LAMB1: variants seen among roughly 807,000 people sequenced by gnomAD.
LAMB1 encodes laminin subunit beta-1.
LAMB1 carries 121 observed loss-of-function variants against 222.3 expected under a neutral mutation model. The observed-to-expected ratio is 0.54, with a 90% CI of 0.47 to 0.63. LAMB1 has a LOEUF of 0.63. Ranked by LOEUF, LAMB1 falls within the 30% of genes least tolerant of loss-of-function variation. LAMB1 has a pLI of 0.00. For missense variants in LAMB1, 2,172 were observed against 2,240.8 expected (o/e 0.97, Z 0.62); for synonymous variants, 794 against 807.2 (o/e 0.98, Z 0.28).
chr7:107,948,062 C>CT (rs2033158162), intron 24 of LAMB1, among the ~76,000 whole-genome samples: 1 of 149,110 alleles, frequency 6.7e-6, no homozygotes, highest in African/African-American at 2.5e-5. Flanking sequence ...TGCTCACTCA[C>CT]TGCAACCTCT....
chr7:107,953,519 G>A lies in LAMB1; in HGVS notation c.3079+11C>T, dbSNP rs746422751. On this transcript the variant is annotated intron_variant, in intron 22 of 33. Transcript: ENST00000222399. ...ATTCTAAGAAGTGGGCAGAATAAAT[G>A]TGCATCTTACTTCGACAGTCCTGCT... 3 of 1,577,104 alleles carry A rather than the reference G, an allele frequency of 1.9e-6. No homozygotes were observed. The East Asian group carries it at 6.7e-5, about 35-fold the overall frequency.
At chr7:107,926,775 T>C (rs2116311030) in intron 31 of LAMB1, among the ~76,000 whole-genome samples, 1 of 152,228 alleles carries the variant, frequency 6.6e-6, no homozygotes, top group Middle Eastern at 3.4e-3. Context: ...AGTGGGAAAA[T>C]AAATGTTAAA....
intron 31 of LAMB1, among the ~76,000 whole-genome samples, chr7:107,928,235 A>C (rs1562972490): frequency 6.6e-6 from 1 of 152,184 alleles, no homozygotes; most frequent in African/African-American, 2.4e-5. Flanking sequence ...AAAAACATTA[A>C]GTTTTCCATG....
At position 107,943,392 on chromosome 7, in the gene LAMB1, G is replaced by A. The variant is rs546573422; in HGVS notation, c.3392-3034C>T. ...GCTTGGGAAAACCACTACATTAATC[G>A]ATTTCTGAGATTAGGAAGAACTTAG... is the stretch of plus-strand genomic sequence containing the variant. On this transcript the variant is annotated intron_variant, in intron 24 of 33. Transcript: ENST00000222399. Among the ~76,000 whole-genome samples, 8 of 152,232 alleles carry A rather than the reference G, an allele frequency of 5.3e-5. No individual in the cohort carries two copies. The South Asian group carries it at 1.7e-3, about 32-fold the overall frequency.
In LAMB1 at chr7:107,994,738, G is replaced by T. The variant is rs148633756; in HGVS notation, c.423+149C>A. The T allele has an allele frequency of 6.2e-4, 326 of 529,506 alleles. 1 individual carries two copies. In the East Asian group the frequency reaches 9.2e-3, roughly 15 times the overall value. 32.8% of individuals were successfully genotyped at this position (529,506 alleles called of 1,614,324 possible). ...TTGTTAAATGCAGTTATTCATGCTC[G>T]TTTTAAAAACTGCTCAATTACCCCA... On this transcript the variant is annotated intron_variant, in intron 5 of 33. Transcript: ENST00000222399.
chr7:107,938,783 T>C (rs2032910021), intron 25 of LAMB1, among the ~76,000 whole-genome samples: 3 of 152,210 alleles, frequency 2.0e-5, no homozygotes, highest in Admixed American at 2.0e-4. Flanking sequence ...CCTCACTAAA[T>C]GCATTGTCAC....
chr7:107,960,316 T>C (rs1383166644), intron 18 of LAMB1, 129 bp downstream of exon 18: 5 of 645,648 alleles, frequency 7.7e-6, no homozygotes, highest in Non-Finnish European at 1.4e-5. Context: ...AGACAAACTG[T>C]AACTGAGACA....
rs368860458 is a variant in LAMB1, at chr7:107,975,083, G to C, written c.1385C>G (p.Pro462Arg). ...ATTCCCTCCAGGAATTGTTCCCAGA[G>C]GATTGCAAGCACAAGCTGTATTAAA... The part of the protein sequence containing the change: ...PFGCKSCACN[P>R]LGTIPGGNPC... Residue 462 changes from proline to arginine, a missense_variant, in exon 12 of 34, where the codon CCT (proline) becomes CGT (arginine). Transcript: ENST00000222399. The C allele has an allele frequency of 6.2e-7, 1 of 1,609,848 alleles. No homozygotes were observed. The highest frequency in any genetic ancestry group is 8.5e-7 in the Non-Finnish European group (1 of 1,176,220).
intron 5 of LAMB1, among the ~76,000 whole-genome samples, chr7:107,986,856 T>C (rs1473253530): frequency 1.3e-5 from 2 of 152,148 alleles, no homozygotes; most frequent in Admixed American, 6.5e-5. Flanking sequence ...TCAAACACCA[T>C]AGTAGGGTTG....
intron 3 of LAMB1, 137 bp downstream of exon 3, chr7:108,001,421 C>A: frequency 3.2e-6 from 3 of 946,324 alleles, no homozygotes; most frequent in Non-Finnish European, 4.7e-6. Context: ...GAGCTACAAG[C>A]CTAATCCCGG....
chr7:107,979,591 C>A (rs945447905), intron 8 of LAMB1, among the ~76,000 whole-genome samples: 22 of 152,092 alleles, frequency 1.4e-4, no homozygotes, highest in African/African-American at 4.6e-4. Flanking sequence ...TGTAAGAATT[C>A]TCCTAGATAC....
rs139596864 is a variant in LAMB1, at chr7:107,968,821, A to AC, written c.1563-4135dup. 3.6e-3 allele frequency among the ~76,000 whole-genome samples: 550 copies of AC among 152,366 alleles called. 8 individuals are homozygous for AC. The highest frequency in any genetic ancestry group is 0.013 in the African/African-American group (528 of 41,592). ...GAGCCTTAGAAAACAATGCAGCCCT[A>AC]CCAACATCGTGATTTTGGTCCACTG... is the stretch of plus-strand genomic sequence containing the variant. On this transcript the variant is annotated intron_variant, in intron 13 of 33. Transcript: ENST00000222399.
At position 108,001,691 on chromosome 7, in the gene LAMB1, C is replaced by G. The variant is rs774905166; in HGVS notation, c.80G>C (p.Ser27Thr). Residue 27 changes from serine (S) to threonine (T), a missense_variant, in exon 3 of 34, where the codon AGC (serine) becomes ACC (threonine). By Grantham distance (58) the Ser-to-Thr change is moderately conservative (BLOSUM62 1). Coordinates refer to ENST00000222399, the MANE Select transcript of LAMB1 (RefSeq NM_002291.3). ...ARVRAQEPEF[S>T]YGCAEGSCYP... ...GCAGCTGCCTTCTGCGCAGCCGTAG[C>G]TGAACTCGGGTTCCTGAGCGCGCAC... The G allele has an allele frequency of 1.2e-6, 2 of 1,612,806 alleles. No individual in the cohort carries two copies. The highest frequency in any genetic ancestry group is 1.7e-6 in the Non-Finnish European group (2 of 1,179,848).
chr7:107,959,792 T>C lies in LAMB1; in HGVS notation c.2357A>G (p.Asp786Gly). The C allele has an allele frequency of 1.2e-6, 2 of 1,614,002 alleles. No homozygotes were observed. Among genetic ancestry groups the C allele is most frequent in the Non-Finnish European group, 1.7e-6 (2 of 1,179,946 alleles). The change falls in exon 19 of 34, where the codon GAT (aspartate) becomes GGT (glycine). Residue 786 changes from aspartate to glycine, a missense_variant. By Grantham distance (94) the Asp-to-Gly change is moderately conservative (BLOSUM62 -1). Coordinates refer to ENST00000222399, the MANE Select transcript of LAMB1 (RefSeq NM_002291.3). ...GCACTGGCACTGGCCTCCGTTGGGA[T>C]CACACACGGAACTTAACGAACCCTG... ...DPQGSLSSVCDPNGGQCQCRP... is the reference protein window; with the variant it reads ...DPQGSLSSVCGPNGGQCQCRP...
intron 9 of LAMB1, among the ~76,000 whole-genome samples, chr7:107,976,582 G>T (rs2033860946): frequency 6.6e-6 from 1 of 152,124 alleles, no homozygotes; most frequent in Non-Finnish European, 1.5e-5. Flanking sequence ...CTGCACTCCA[G>T]CCTCCCACCT....
intron 5 of LAMB1, among the ~76,000 whole-genome samples, chr7:107,990,231 G>A (rs1009204570): frequency 6.6e-6 from 1 of 152,042 alleles, no homozygotes; most frequent in Non-Finnish European, 1.5e-5. Flanking sequence ...TAGAGACAGG[G>A]TCTTGCTATG....
intron 8 of LAMB1, 140 bp downstream of exon 8, chr7:107,980,469 T>C: frequency 1.6e-6 from 1 of 638,160 alleles, no homozygotes; most frequent in African/African-American, 1.8e-5. Context: ...ATCAGCTACC[T>C]GTATGGTGCA....
At chr7:107,955,716 T>C in intron 20 of LAMB1, 86 bp from the exon 21 acceptor site, 3 of 1,253,876 alleles carry the variant, frequency 2.4e-6, no homozygotes, top group Non-Finnish European at 3.2e-6. Flanking sequence ...CTGTTCTGTT[T>C]GGGCACACTC....
At chr7:107,988,864 G>A (rs2034130774) in intron 5 of LAMB1, among the ~76,000 whole-genome samples, 1 of 152,186 alleles carries the variant, frequency 6.6e-6, no homozygotes, top group South Asian at 2.1e-4. Flanking sequence ...CTTACCCTGA[G>A]ATTCCTAGCC....
Sources: allele counts gnomAD v4.1 joint callset (sites outside exome capture counted in the v4.1 genomes callset), GRCh38; gene constraint gnomAD v4.1.1; transcripts MANE v1.5; gene names NCBI Gene and HGNC (gene_info 2026-07-23, HGNC 2026-07-21).